Variants in TMPRSS9 observed in about 807,000 individuals in gnomAD.
TMPRSS9 encodes transmembrane protease serine 9.
In TMPRSS9, 113 loss-of-function variants were observed where a neutral mutation model predicts 111.4. The observed-to-expected ratio is 1.01, with a 90% CI of 0.87 to 1.19. TMPRSS9 has a LOEUF of 1.19. Among genes scored for constraint, TMPRSS9 ranks in the 50% most tolerant of loss-of-function variants. The pLI is 0.00. For missense variants in TMPRSS9, 1,803 were observed against 1,513.1 expected (o/e 1.19, Z -3.18); for synonymous variants, 805 against 659.1 (o/e 1.22, Z -3.39).
chr19:2,416,946 C>T, intron 12 of TMPRSS9, 137 bp downstream of exon 13: 1 of 1,208,674 alleles, frequency 8.3e-7, no homozygotes, highest in Non-Finnish European at 1.1e-6. Context: ...ATCCCTTTGT[C>T]TTTGGTCCCG....
chr19:2,423,828 G>A (rs932900413), intron 14 of TMPRSS9, among the ~76,000 whole-genome samples: 1 of 152,058 alleles, frequency 6.6e-6, no homozygotes, highest in African/African-American at 2.4e-5. Context: ...TGCCATGAGA[G>A]GGGCCTCCGG....
chr19:2,384,462 G>A (rs923771897), intron 1 of TMPRSS9, among the ~76,000 whole-genome samples: 5 of 151,448 alleles, frequency 3.3e-5, no homozygotes, highest in Non-Finnish European at 7.4e-5. Context: ...GATCACCCGG[G>A]GTCAGGAATT....
At chr19:2,418,292 TTTCCTTCCCTCCC>T (rs1337909184) in intron 13 of TMPRSS9, among the ~76,000 whole-genome samples, 154 bp downstream of exon 14, 64 of 58,520 alleles carry the variant, frequency 1.1e-3, no homozygotes, top group Non-Finnish European at 1.5e-3. Context: ...CCTTTCCTCC[TTTCCTTCCCTCCC>T]TTTCCCTCCC....
rs564375739 is a variant in TMPRSS9, at chr19:2,413,636, C to T, written c.1255-64C>T. ...CAGCTCAGAGCTCCTTCTTGGGCCT[C>T]GTAGCACTGGTGTCTGGACTGGCTG... On this transcript the variant is annotated intron_variant, in intron 9 of 17. Coordinates refer to ENST00000648592, the Ensembl canonical transcript of TMPRSS9. 1.8e-4 allele frequency: 275 copies of T among 1,527,930 alleles called. 2 individuals carry two copies. The highest frequency in any genetic ancestry group is 1.2e-3 in the South Asian group (97 of 82,310). 94.6% of individuals were successfully genotyped at this position (1,527,930 alleles called of 1,614,324 possible).
intron 1 of TMPRSS9, among the ~76,000 whole-genome samples, chr19:2,394,508 C>G (rs1275219406): frequency 4.6e-5 from 7 of 152,170 alleles, no homozygotes; most frequent in Non-Finnish European, 1.5e-5. Flanking sequence ...TCTGCAACTT[C>G]CTGAATCTGC....
At chr19:2,382,710 C>G (rs1372258716) in intron 1 of TMPRSS9, among the ~76,000 whole-genome samples, 1 of 151,400 alleles carries the variant, frequency 6.6e-6, no homozygotes, top group Admixed American at 6.6e-5. Flanking sequence ...CACACAAAAG[C>G]ACACATGCAC....
chr19:2,393,764 G>C (rs1970648544), intron 1 of TMPRSS9, among the ~76,000 whole-genome samples: 1 of 151,568 alleles, frequency 6.6e-6, no homozygotes, highest in South Asian at 2.1e-4. Context: ...TGGGCAGACT[G>C]GTACGCGCCT....
At chr19:2,402,070 C>G (rs376218059) in intron 5 of TMPRSS9, 54 bp downstream of exon 6, 189 of 1,563,826 alleles carry the variant, frequency 1.2e-4, no homozygotes, top group African/African-American at 1.2e-3. Context: ...CAGAGGTTTC[C>G]TAAGACTCAT....
intron 2 of TMPRSS9, 101 bp from the exon 4 acceptor site, chr19:2,398,694 C>A: frequency 1.4e-6 from 1 of 697,048 alleles, no homozygotes; most frequent in Non-Finnish European, 2.1e-6. Flanking sequence ...CCCATGGAAC[C>A]AACCCCTTCT....
intron 1 of TMPRSS9, among the ~76,000 whole-genome samples, chr19:2,368,782 T>TTTTTTTTTTTTTG: frequency 9.4e-6 from 1 of 105,886 alleles, no homozygotes; most frequent in Admixed American, 9.3e-5. Context: ...CAGTTTTTTT[T>TTTTTTTTTTTTTG]TTTTTTTTTT....
chr19:2,404,597 C>CTATCATG lies in TMPRSS9; in HGVS notation c.671-777_671-776insTATCATG, dbSNP rs1394741842. The stretch of plus-strand genomic sequence containing the variant: ...TACAGTAATAATAAGATAGAAGATA[C>CTATCATG]AAAGGAAAAAATATCTTTCATGATC... On this transcript the variant is annotated intron_variant, in intron 6 of 17. Coordinates refer to ENST00000648592, the Ensembl canonical transcript of TMPRSS9. Among the ~76,000 whole-genome samples the CTATCATG allele has an allele frequency of 2.0e-5, 3 of 149,520 alleles. No homozygotes were observed. In the East Asian group the frequency reaches 5.9e-4, roughly 30 times the overall value.
intron 11 of TMPRSS9, 133 bp downstream of exon 12, chr19:2,415,974 G>GA: frequency 9.2e-7 from 1 of 1,090,892 alleles, no homozygotes; most frequent in Non-Finnish European, 1.2e-6. Flanking sequence ...GAGGGCAGCT[G>GA]AGAGACAGGA....
chr19:2,391,602 G>A (rs1180950978), intron 1 of TMPRSS9, among the ~76,000 whole-genome samples: 1 of 31,408 alleles, frequency 3.2e-5, no homozygotes, highest in Non-Finnish European at 1.1e-4. Context: ...GTGTGCATGC[G>A]TGTGTGTGTG....
chr19:2,370,621 G>T (rs374586679), intron 1 of TMPRSS9, among the ~76,000 whole-genome samples: 5 of 152,032 alleles, frequency 3.3e-5, no homozygotes, highest in African/African-American at 1.2e-4. Context: ...GAGCCACCAC[G>T]CCCAGCCAGA....
At chr19:2,413,621 C>G in intron 9 of TMPRSS9, 79 bp from the exon 11 acceptor site, 1 of 1,481,828 alleles carries the variant, frequency 6.7e-7, no homozygotes. Flanking sequence ...CAGCTCAGAG[C>G]TCCTTCTTGG....
chr19:2,412,642 A>G lies in TMPRSS9; in HGVS notation c.1255-1058A>G, dbSNP rs184753370. Among the ~76,000 whole-genome samples the G allele has an allele frequency of 1.2e-3, 180 of 152,220 alleles. 2 individuals are homozygous for G. Among genetic ancestry groups the G allele is most frequent in the Admixed American group, 0.011 (162 of 15,272 alleles). On this transcript the variant is annotated intron_variant, in intron 9 of 17. Transcript: ENST00000648592. ...TCTCTTGTGTCTTGAGCTTCTGCAC[A>G]TGGGCTGGGCTGCCACTTCCTCTGT...
rs779851837 is a variant in TMPRSS9 at position 2,408,338 on chromosome 19, T to C, written c.843-18T>C. The C allele has an allele frequency of 1.2e-6, 2 of 1,607,394 alleles. No individual in the cohort carries two copies. Among genetic ancestry groups the C allele is most frequent in the South Asian group, 1.1e-5 (1 of 90,928 alleles). On this transcript the variant is annotated intron_variant, in intron 7 of 17. Coordinates refer to ENST00000648592, the Ensembl canonical transcript of TMPRSS9. ...CTCTGACCCTCGGTGGCTTCTGAGC[T>C]GGGGTTTGCTCCTGCAGGTTCCAAG...
chr19:2,425,939 G>A (rs1324063669), exon 18 of TMPRSS9: 2 of 1,596,658 alleles, frequency 1.3e-6, no homozygotes, highest in Non-Finnish European at 1.7e-6. Context: ...TGACGCTGGG[G>A]GACCCCTGGC....
At position 2,368,774 on chromosome 19, in the gene TMPRSS9, G is replaced by GTTTTTTTTTTTTTTTTTTTTT. The variant is rs762761358; in HGVS notation, c.-26+8421_-26+8441dup. 5.0e-4 allele frequency among the ~76,000 whole-genome samples: 35 copies of GTTTTTTTTTTTTTTTTTTTTT among 70,386 alleles called. 8 individuals carry two copies. The highest frequency in any genetic ancestry group is 6.6e-4 in the African/African-American group (11 of 16,560). 46.2% of individuals were successfully genotyped at this position (70,386 alleles called of 152,430 possible). On this transcript the variant is annotated intron_variant, in intron 1 of 17. Coordinates refer to the TMPRSS9 transcript ENST00000649857. ...TGCCAGGGCATCAAGGATAAACCCAGTTTTTTTTTTTTTTTTTTTTTTTTT... is the reference window on the plus strand; with the variant it reads ...TGCCAGGGCATCAAGGATAAACCCAGTTTTTTTTTTTTTTTTTTTTTTTTTTTTTTTTTTTTTTTTTTTTTT...
Sources: gnomAD v4.1 joint callset for allele counts (sites outside exome capture counted in the v4.1 genomes callset) on GRCh38, gnomAD v4.1.1 for gene constraint, MANE v1.5 for transcripts, NCBI Gene and HGNC (gene_info 2026-07-23, HGNC 2026-07-21) for gene names.